DNAH6: variants seen among roughly 807,000 people sequenced by gnomAD.
The protein encoded by DNAH6 is dynein axonemal heavy chain 6, also known as axonemal beta dynein heavy chain 6.
A neutral mutation model predicts 491.4 loss-of-function variants in DNAH6; 340 were observed. The ratio of observed to expected loss-of-function variants is 0.69; its 90% CI spans 0.63 to 0.76. The LOEUF (loss-of-function observed/expected upper bound fraction) is 0.76, where lower values mean the gene tolerates loss of function less well. Among genes scored for constraint, DNAH6 ranks in the 30% least tolerant of loss-of-function variants. The pLI is 0.00. For missense variants in DNAH6, 4,443 were observed against 4,972.2 expected, an observed-to-expected ratio of 0.89 and a Z score of 3.20; for synonymous variants, 1,603 against 1,686.1, an observed-to-expected ratio of 0.95 and a Z score of 1.21.
intron 4 of DNAH6, 122 bp downstream of exon 4, chr2:84,529,288 G>T: frequency 2.5e-6 from 2 of 788,560 alleles, no homozygotes; most frequent in Non-Finnish European, 3.8e-6. Flanking sequence ...ATCATTCAAT[G>T]ATAAATGAAT....
Position 84,715,626 on chromosome 2 carries a change from AG to A in DNAH6, c.9611+1del. 6.4e-7 allele frequency: 1 copy of A among 1,551,472 alleles called. No individual in the cohort carries two copies. Among genetic ancestry groups the A allele is most frequent in the Non-Finnish European group, 8.7e-7 (1 of 1,146,848 alleles). ...TKSGLEDQLLSDVVRLEKPRL... is the reference protein window; with the variant it reads ...TKSGLEDQLLXDVVRLEKPRL... ...ATCAGGCCTGGAGGATCAGTTGTTA[AG>A]GTAAAAAAACAGGGAGTTGAGGGGA... On this transcript the variant is annotated frameshift_variant and splice_region_variant, in exon 58 of 77. Transcript: ENST00000389394. LOFTEE classifies it high-confidence loss of function.
intron 63 of DNAH6, among the ~76,000 whole-genome samples, chr2:84,755,976 T>C (rs969505273): frequency 1.3e-5 from 2 of 152,230 alleles, no homozygotes; most frequent in Non-Finnish European, 2.9e-5. Context: ...GCAAGCATTC[T>C]CTCTTTGCCT....
At chr2:84,536,551 A>G (rs2199305) in intron 4 of DNAH6, among the ~76,000 whole-genome samples, 10,407 of 115,480 alleles carry the variant, frequency 0.09, 1,161 homozygotes, top group African/African-American at 0.27. Context: ...TCATTACAAG[A>G]AATGTCAACA....
chr2:84,464,644 T>C, the DNAH6 span, among the ~76,000 whole-genome samples: 4 of 152,296 alleles, frequency 2.6e-5, no homozygotes, highest in Middle Eastern at 6.8e-3. Context: ...ATCTCCCCTT[T>C]TTAGACCATA....
the DNAH6 span, among the ~76,000 whole-genome samples, chr2:84,468,689 G>A: frequency 6.6e-6 from 1 of 152,190 alleles, no homozygotes; most frequent in Non-Finnish European, 1.5e-5. Flanking sequence ...CTGTGAAAGT[G>A]CAAAACCTTG....
In DNAH6 at chr2:84,615,335, G is replaced by A. The variant is rs1686745957; in HGVS notation, c.3476-1551G>A. On this transcript the variant is annotated intron_variant, in intron 22 of 76. Coordinates refer to ENST00000389394, the MANE Select transcript of DNAH6 (RefSeq NM_001370.2). Reference sequence around the variant, plus strand: ...TTTTTGTTTGCTTTGTCAAAGATCAGTTGGCTATAAGTATTTTGCTTTATT... The same window carrying A: ...TTTTTGTTTGCTTTGTCAAAGATCAATTGGCTATAAGTATTTTGCTTTATT... 3.3e-5 allele frequency among the ~76,000 whole-genome samples: 5 copies of A among 152,202 alleles called. 1 individual carries two copies. In the South Asian group the frequency reaches 1.0e-3, roughly 32 times the overall value.
Position 84,658,383 on chromosome 2 carries a change from C to T in DNAH6, c.5849C>T (p.Ala1950Val). 1 of 1,549,274 alleles carries T rather than the reference C, an allele frequency of 6.5e-7. No homozygotes were observed. The highest frequency in any genetic ancestry group is 8.7e-7 in the Non-Finnish European group (1 of 1,145,520). Reference protein sequence around the residue: ...LHFINKKCSQAIPQVDISKVT... With the variant: ...LHFINKKCSQVIPQVDISKVT... ...TTTATCAATAAAAAGTGCAGCCAAG[C>T]AATTCCACAAGTGGACATCAGCAAA... is the stretch of plus-strand genomic sequence containing the variant. The change falls in exon 36 of 77, where the codon GCA becomes GTA. Residue 1950 changes from alanine to valine, a missense_variant. Coordinates refer to ENST00000389394, the MANE Select transcript of DNAH6 (RefSeq NM_001370.2).
intron 64 of DNAH6, chr2:84,778,036 GAA>G: frequency 9.9e-7 from 1 of 1,011,912 alleles, no homozygotes; most frequent in Non-Finnish European, 1.6e-6. Flanking sequence ...GTGTTCTAAG[GAA>G]AAGGCTGCCA....
At chr2:84,667,619 G>A (rs1253584778) in intron 37 of DNAH6, among the ~76,000 whole-genome samples, 1 of 152,134 alleles carries the variant, frequency 6.6e-6, no homozygotes, top group Non-Finnish European at 1.5e-5. Context: ...TGGAGAAATA[G>A]GAACACTTTT....
At chr2:84,670,193 G>A in intron 38 of DNAH6, 135 bp from the exon 39 acceptor site, 1 of 609,964 alleles carries the variant, frequency 1.6e-6, no homozygotes, top group Non-Finnish European at 2.8e-6. Context: ...TCTCCAGTAA[G>A]AGAAAGCAGA....
At chr2:84,799,802 AG>A (rs1678715955) in intron 70 of DNAH6, among the ~76,000 whole-genome samples, 1 of 152,252 alleles carries the variant, frequency 6.6e-6, no homozygotes, top group Admixed American at 6.5e-5. Flanking sequence ...GACACCACCA[AG>A]GCCTAGGAAT....
At position 84,528,893 on chromosome 2, in the gene DNAH6, G is replaced by A; in HGVS notation, c.400-11G>A. The stretch of plus-strand genomic sequence containing the variant: ...ACTCATTTTTTTTTTTCAAAAATTG[G>A]CTTTGTTTAGATTCATCGGCCCTAT... On this transcript the variant is annotated splice_polypyrimidine_tract_variant and intron_variant, in intron 3 of 76. Coordinates refer to ENST00000389394, the MANE Select transcript of DNAH6 (RefSeq NM_001370.2). The A allele has an allele frequency of 6.6e-7, 1 of 1,509,548 alleles. No individual in the cohort carries two copies. The highest frequency in any genetic ancestry group is 8.9e-7 in the Non-Finnish European group (1 of 1,128,904). 93.5% of individuals were successfully genotyped at this position (1,509,548 alleles called of 1,614,324 possible).
At chr2:84,577,708 A>G (rs563421940) in intron 13 of DNAH6, among the ~76,000 whole-genome samples, 1 of 152,232 alleles carries the variant, frequency 6.6e-6, no homozygotes, top group Admixed American at 6.5e-5. Flanking sequence ...TAACAGCTCA[A>G]TATCCTAGAG....
chr2:84,808,482 C>T lies in DNAH6; in HGVS notation c.11679C>T (p.Ser3893=), dbSNP rs1433491237. The T allele has an allele frequency of 1.9e-6, 3 of 1,551,450 alleles. No homozygotes were observed. The highest frequency in any genetic ancestry group is 2.4e-5 in the South Asian group (2 of 83,886). Residue 3893 remains serine (S), a synonymous_variant, in exon 72 of 77, where the codon TCC becomes TCT. Coordinates refer to ENST00000389394, the MANE Select transcript of DNAH6 (RefSeq NM_001370.2). ...FVKDLQGRLN[S]LTTVLGQEVD... Reference sequence around the variant, plus strand: ...AGGATCTTCAAGGACGTCTGAACTCCTTGACCACCGTTCTTGGACAGGAAG... The same window carrying T: ...AGGATCTTCAAGGACGTCTGAACTCTTTGACCACCGTTCTTGGACAGGAAG...
chr2:84,494,037 A>G, the DNAH6 span, among the ~76,000 whole-genome samples: 11 of 152,196 alleles, frequency 7.2e-5, no homozygotes, highest in Admixed American at 7.2e-4. Context: ...CAGAATGGAC[A>G]GAGTGAGATC....
chr2:84,708,209 G>A (rs1448813120), intron 54 of DNAH6, among the ~76,000 whole-genome samples: 1 of 151,934 alleles, frequency 6.6e-6, no homozygotes, highest in Non-Finnish European at 1.5e-5. Context: ...AGGCCAAGGC[G>A]GGTGGATCAC....
rs1189889762 is a variant in DNAH6 at position 84,762,933 on chromosome 2, G to A, written c.10691G>A (p.Gly3564Glu). ...TTTCAGAGGTTTGCCAGGGAAAGTG[G>A]ATATTCAGAACGGTAAGTTCATGTT... ...GAFQRFARES[G>E]YSERVQSISL... is the part of the protein sequence containing the mutation. Residue 3564 changes from glycine to glutamate, a missense_variant, in exon 64 of 77, where the codon GGA becomes GAA. Physicochemically the swap from Gly to Glu is moderately conservative, Grantham distance 98. Transcript: ENST00000389394. The A allele has an allele frequency of 6.4e-7, 1 of 1,550,724 alleles. No homozygotes were observed. Among genetic ancestry groups the A allele is most frequent in the African/African-American group, 1.4e-5 (1 of 72,966 alleles).
the DNAH6 span, among the ~76,000 whole-genome samples, chr2:84,500,799 A>G: frequency 6.6e-6 from 1 of 152,164 alleles, no homozygotes; most frequent in East Asian, 1.9e-4. Context: ...TATAAATGAG[A>G]TTACTTTTTA....
Position 84,557,795 on chromosome 2 carries a change from G to A in DNAH6, c.1663G>A (p.Val555Met), listed in dbSNP as rs139773637. Residue 555 changes from valine (V) to methionine (M), a missense_variant, in exon 11 of 77, where the codon GTG becomes ATG. Transcript: ENST00000389394. ...QNTVLSVPNL[V>M]PDSYFDAFTS... ...CACTGTGTTATCAGTTCCTAATCTCGTGCCTGATTCGTATTTTGATGCTTT... is the reference window on the plus strand; with the variant it reads ...CACTGTGTTATCAGTTCCTAATCTCATGCCTGATTCGTATTTTGATGCTTT... 1.4e-5 allele frequency: 22 copies of A among 1,609,470 alleles called. No individual in the cohort carries two copies. In the African/African-American group the frequency reaches 1.8e-4, roughly 13 times the overall value.
Sources: gnomAD v4.1 joint callset for allele counts (sites outside exome capture counted in the v4.1 genomes callset) on GRCh38, gnomAD v4.1.1 for gene constraint, MANE v1.5 for transcripts, NCBI Gene and HGNC (gene_info 2026-07-23, HGNC 2026-07-21) for gene names.